NELL2: variants seen among roughly 807,000 people sequenced by gnomAD.
NELL2 encodes neural EGFL like 2, also known as protein kinase C-binding protein NELL2.
NELL2 carries 41 observed loss-of-function variants against 109.6 expected under a neutral mutation model. The ratio of observed to expected loss-of-function variants is 0.37; its 90% CI spans 0.29 to 0.49. The LOEUF is 0.49. Ranked by LOEUF, NELL2 falls within the 20% of genes least tolerant of loss-of-function variation. The pLI, the probability that NELL2 is intolerant of heterozygous loss-of-function variation, is 0.98. For missense variants in NELL2, 900 were observed against 1,008.3 expected (o/e 0.89, Z 1.45); for synonymous variants, 355 against 344.7 (o/e 1.03, Z -0.33).
At chr12:44,532,805 T>C (rs1203268099) in intron 15 of NELL2, 84 bp from the exon 16 acceptor site, 9 of 1,302,278 alleles carry the variant, frequency 6.9e-6, no homozygotes, top group African/African-American at 1.5e-5. Context: ...TACTAAAATT[T>C]TTAATGCCAG....
At chr12:44,747,554 T>A (rs1940441918) in intron 9 of NELL2, among the ~76,000 whole-genome samples, 1 of 152,128 alleles carries the variant, frequency 6.6e-6, no homozygotes, top group African/African-American at 2.4e-5. Flanking sequence ...TGGTTAACAT[T>A]AGACTTTCAA....
chr12:44,656,770 T>C (rs1028270527), intron 13 of NELL2, among the ~76,000 whole-genome samples: 17 of 152,226 alleles, frequency 1.1e-4, no homozygotes, highest in Non-Finnish European at 2.5e-4. Flanking sequence ...CAGTAATTAT[T>C]ATGGTACATG....
intron 15 of NELL2, among the ~76,000 whole-genome samples, chr12:44,584,311 C>T (rs1223040147): frequency 6.6e-6 from 1 of 152,250 alleles, no homozygotes; most frequent in Non-Finnish European, 1.5e-5. Flanking sequence ...CCTGGCCTTT[C>T]TGTGGGACAA....
chr12:44,862,961 T>C lies in NELL2; in HGVS notation c.184+12264A>G, dbSNP rs542928052. 3.3e-5 allele frequency among the ~76,000 whole-genome samples: 5 copies of C among 152,292 alleles called. No individual in the cohort carries two copies. The South Asian group carries it at 6.2e-4, about 19-fold the overall frequency. ...AAGCATATATACACACACATACATA[T>C]ACTTTAAGTTCTGGGATCCATGTGC... On this transcript the variant is annotated intron_variant, in intron 2 of 19. Coordinates refer to ENST00000429094, the MANE Select transcript of NELL2 (RefSeq NM_001145108.2).
At chr12:44,529,630 T>A (rs945736708) in intron 16 of NELL2, among the ~76,000 whole-genome samples, 1 of 151,580 alleles carries the variant, frequency 6.6e-6, no homozygotes, top group African/African-American at 2.4e-5. Context: ...CAGGAGAGAG[T>A]GGGGTACCTG....
At chr12:44,711,528 G>C in intron 10 of NELL2, 134 bp from the exon 11 acceptor site, 2 of 619,536 alleles carry the variant, frequency 3.2e-6, no homozygotes, top group East Asian at 5.6e-5. Flanking sequence ...ACAGGTCATG[G>C]GCTCACTCCC....
At chr12:44,703,384 T>C (rs1234260900) in intron 12 of NELL2, among the ~76,000 whole-genome samples, 1 of 152,114 alleles carries the variant, frequency 6.6e-6, no homozygotes, top group East Asian at 1.9e-4. Flanking sequence ...CAACACTGTC[T>C]GGAAAAATCT....
At chr12:44,688,866 T>G (rs1289055958) in intron 12 of NELL2, among the ~76,000 whole-genome samples, 1 of 152,340 alleles carries the variant, frequency 6.6e-6, no homozygotes, top group South Asian at 2.1e-4. Flanking sequence ...CTTTTCAGTA[T>G]CCACACAACT....
chr12:44,765,182 T>C (rs1250247325), intron 9 of NELL2, among the ~76,000 whole-genome samples: 1 of 152,226 alleles, frequency 6.6e-6, no homozygotes, highest in Non-Finnish European at 1.5e-5. Context: ...GAGGTCATCT[T>C]CCAATGGTTA....
intron 14 of NELL2, 82 bp downstream of exon 14, chr12:44,610,766 C>T (rs1945589380): frequency 6.4e-7 from 1 of 1,570,430 alleles, no homozygotes; most frequent in Non-Finnish European, 8.7e-7. Context: ...ATGTACATAA[C>T]AGTAATGATA....
At chr12:44,690,571 A>G (rs1206639036) in intron 12 of NELL2, among the ~76,000 whole-genome samples, 1 of 152,094 alleles carries the variant, frequency 6.6e-6, no homozygotes, top group Non-Finnish European at 1.5e-5. Flanking sequence ...AGGAGTATAA[A>G]AACAGGATTA....
At chr12:44,687,971 G>A (rs1182398440) in intron 12 of NELL2, among the ~76,000 whole-genome samples, 2 of 152,090 alleles carry the variant, frequency 1.3e-5, no homozygotes, top group Non-Finnish European at 1.5e-5. Flanking sequence ...TGTTTAAAAT[G>A]AATTGCTTAA....
At chr12:44,730,727 A>G (rs899155118) in intron 9 of NELL2, among the ~76,000 whole-genome samples, 1 of 151,978 alleles carries the variant, frequency 6.6e-6, no homozygotes, top group Non-Finnish European at 1.5e-5. Context: ...AACTAGAAAA[A>G]GAACAAACTA....
intron 2 of NELL2, among the ~76,000 whole-genome samples, chr12:44,816,587 G>A (rs1239193314): frequency 1.3e-5 from 2 of 152,144 alleles, no homozygotes; most frequent in Non-Finnish European, 1.5e-5. Flanking sequence ...TTAAATCTAT[G>A]TGCCACCCTC....
chr12:44,885,480 G>A (rs1945460091), intron 1 of NELL2, among the ~76,000 whole-genome samples: 2 of 151,852 alleles, frequency 1.3e-5, no homozygotes, highest in South Asian at 2.1e-4. Context: ...AATTCTATTT[G>A]TATATCCTAG....
rs74081536 is a variant in NELL2, at chr12:44,660,856, C to T, written c.1444+4628G>A. 2.8e-3 allele frequency among the ~76,000 whole-genome samples: 420 copies of T among 152,254 alleles called. 1 individual carries two copies. Among genetic ancestry groups the T allele is most frequent in the African/African-American group, 9.7e-3 (405 of 41,542 alleles). ...CTTGATTCTGTTATAGGTAGTTAGACAGGCATGAGTGGGGCAGGAGAGGGT... is the reference window on the plus strand; with the variant it reads ...CTTGATTCTGTTATAGGTAGTTAGATAGGCATGAGTGGGGCAGGAGAGGGT... On this transcript the variant is annotated intron_variant, in intron 13 of 19. Coordinates refer to ENST00000429094, the MANE Select transcript of NELL2 (RefSeq NM_001145108.2).
chr12:44,702,678 T>C lies in NELL2; in HGVS notation c.1318+1048A>G, dbSNP rs571943609. Among the ~76,000 whole-genome samples the C allele has an allele frequency of 4.6e-5, 7 of 152,298 alleles. No individual in the cohort carries two copies. The East Asian group carries it at 1.2e-3, about 25-fold the overall frequency. The stretch of plus-strand genomic sequence containing the variant: ...AGGAATTTTAAATAAATCTGCATTA[T>C]GAATGGGGAAGGGAAGCCATATTTC... On this transcript the variant is annotated intron_variant, in intron 12 of 19. Coordinates refer to ENST00000429094, the MANE Select transcript of NELL2 (RefSeq NM_001145108.2).
intron 12 of NELL2, among the ~76,000 whole-genome samples, chr12:44,693,041 C>T (rs1047400000): frequency 3.9e-5 from 6 of 152,084 alleles, no homozygotes; most frequent in Non-Finnish European, 7.4e-5. Flanking sequence ...AGATAAGATG[C>T]TATCAAATAG....
chr12:44,910,147 A>G (rs1448744455), intron 1 of NELL2, among the ~76,000 whole-genome samples: 2 of 151,844 alleles, frequency 1.3e-5, no homozygotes, highest in Non-Finnish European at 3.0e-5. Flanking sequence ...CTAATTAAAG[A>G]TCTTCTACCC....
Sources: gnomAD v4.1 joint callset for allele counts (sites outside exome capture counted in the v4.1 genomes callset) on GRCh38, gnomAD v4.1.1 for gene constraint, MANE v1.5 for transcripts, NCBI Gene and HGNC (gene_info 2026-07-23, HGNC 2026-07-21) for gene names.